Variants in KCNJ6 observed in about 807,000 individuals in gnomAD.
KCNJ6 encodes potassium inwardly rectifying channel subfamily J member 6, also known as G protein-activated inward rectifier potassium channel 2.
A neutral mutation model predicts 34.2 loss-of-function variants in KCNJ6; 9 were observed. The ratio of observed to expected loss-of-function variants is 0.26; its 90% CI spans 0.16 to 0.46. The LOEUF (loss-of-function observed/expected upper bound fraction) is 0.46, where lower values mean the gene tolerates loss of function less well. KCNJ6 is among the 20% of genes least tolerant of loss of function. The probability of loss-of-function intolerance (pLI) is 1.00; values close to 1 mark genes in which losing one functional copy is unlikely to be tolerated. For synonymous variants in KCNJ6, 196 were observed against 207.1 expected (o/e 0.95, Z 0.46); for missense variants, 236 against 531.3 (o/e 0.44, Z 5.46).
chr21:37,779,055 CATT>C (rs2055156923), intron 2 of KCNJ6, among the ~76,000 whole-genome samples: 1 of 152,102 alleles, frequency 6.6e-6, no homozygotes, highest in Admixed American at 6.5e-5. Context: ...GAGATCCTGT[CATT>C]ATTTAAAATT....
intron 1 of KCNJ6, among the ~76,000 whole-genome samples, chr21:37,898,121 G>T (rs990314550): frequency 6.6e-6 from 1 of 152,212 alleles, no homozygotes; most frequent in Non-Finnish European, 1.5e-5. Context: ...AAGGCAGAGC[G>T]TGATGGGGGC....
intron 1 of KCNJ6, among the ~76,000 whole-genome samples, chr21:37,857,817 G>A (rs2055572747): frequency 6.6e-6 from 1 of 152,132 alleles, no homozygotes; most frequent in Admixed American, 6.5e-5. Context: ...AAGGTGACTA[G>A]TAAATGGTAA....
At position 37,618,094 on chromosome 21, in the gene KCNJ6, C is replaced by T. The variant is rs2054279064; in HGVS notation, c.*7065G>A. ...GCTACGGGAGGGTATTTCTCATACCCATGCCCACAGTCAGCAATGCTGAGA... is the reference window on the plus strand; with the variant it reads ...GCTACGGGAGGGTATTTCTCATACCTATGCCCACAGTCAGCAATGCTGAGA... On this transcript the variant is annotated 3_prime_UTR_variant, in exon 4 of 4. Transcript: ENST00000609713. 1 of 152,272 alleles carries T rather than the reference C, an allele frequency of 6.6e-6. No individual in the cohort carries two copies. Among genetic ancestry groups the T allele is most frequent in the Admixed American group, 6.5e-5 (1 of 15,290 alleles). 9.4% of individuals were successfully genotyped at this position (152,272 alleles called of 1,614,324 possible).
rs73904483 is a variant in KCNJ6 at position 37,866,939 on chromosome 21, A to G, written c.-27-26230T>C. Among the ~76,000 whole-genome samples the G allele has an allele frequency of 9.2e-3, 1,396 of 152,342 alleles. 22 individuals are homozygous for G. Among genetic ancestry groups the G allele is most frequent in the African/African-American group, 0.031 (1,303 of 41,584 alleles). On this transcript the variant is annotated intron_variant, in intron 1 of 3. Transcript: ENST00000609713. Reference sequence around the variant, plus strand: ...TATTCATTGCCATTCAGCTATTTTTACAATCTCTAAATTGTAGAGAACTGA... The same window carrying G: ...TATTCATTGCCATTCAGCTATTTTTGCAATCTCTAAATTGTAGAGAACTGA...
At chr21:37,678,937 G>T (rs1291235113) in intron 3 of KCNJ6, among the ~76,000 whole-genome samples, 2 of 152,194 alleles carry the variant, frequency 1.3e-5, no homozygotes, top group African/African-American at 2.4e-5. Context: ...ATGTTGGCTG[G>T]ATTTAGTAAC....
At chr21:37,808,998 C>T (rs9982201) in intron 2 of KCNJ6, among the ~76,000 whole-genome samples, 12,496 of 152,266 alleles carry the variant, frequency 0.082, 739 homozygotes, top group Middle Eastern at 0.13. Flanking sequence ...CTAGAAATAC[C>T]ATTTGACCCA....
chr21:37,765,026 C>A (rs1401013331), intron 2 of KCNJ6, among the ~76,000 whole-genome samples: 2 of 152,114 alleles, frequency 1.3e-5, no homozygotes, highest in Non-Finnish European at 2.9e-5. Context: ...ATTTTATAAG[C>A]TGGTTGTTAA....
chr21:37,643,071 G>C (rs967542267), intron 3 of KCNJ6, among the ~76,000 whole-genome samples: 2 of 152,132 alleles, frequency 1.3e-5, no homozygotes, highest in African/African-American at 2.4e-5. Flanking sequence ...TGGTGGGGGG[G>C]ACAGCTTAAC....
intron 2 of KCNJ6, among the ~76,000 whole-genome samples, chr21:37,775,364 A>G (rs1480178087): frequency 2.6e-5 from 4 of 152,164 alleles, no homozygotes; most frequent in Non-Finnish European, 4.4e-5. Context: ...ATTAGAACCC[A>G]TTTGTCAATT....
chr21:37,848,456 T>C (rs1166780700), intron 1 of KCNJ6, among the ~76,000 whole-genome samples: 3 of 152,174 alleles, frequency 2.0e-5, no homozygotes. Flanking sequence ...TAGGATGCTT[T>C]AGGTGAGAAA....
intron 1 of KCNJ6, 38 bp from the exon 2 acceptor site, chr21:37,840,747 T>C (rs2055476398): frequency 2.6e-6 from 3 of 1,148,806 alleles, no homozygotes; most frequent in East Asian, 2.4e-5. Context: ...CTGTAAAACA[T>C]GTCTTAGATA....
At chr21:37,770,951 T>C (rs2036713458) in intron 2 of KCNJ6, among the ~76,000 whole-genome samples, 2 of 152,206 alleles carry the variant, frequency 1.3e-5, no homozygotes, top group African/African-American at 2.4e-5. Flanking sequence ...ATTTAAAGTG[T>C]AGAATGTCAA....
intron 3 of KCNJ6, among the ~76,000 whole-genome samples, chr21:37,626,156 A>G (rs11909453): frequency 0.013 from 1,868 of 140,924 alleles, 45 homozygotes; most frequent in African/African-American, 0.047. Flanking sequence ...TTTGAGATGG[A>G]GTCTCGCTGT....
chr21:37,901,095 T>C (rs981238502), intron 1 of KCNJ6, among the ~76,000 whole-genome samples: 1 of 152,196 alleles, frequency 6.6e-6, no homozygotes, highest in Non-Finnish European at 1.5e-5. Flanking sequence ...TGAACATACT[T>C]GTGCAACAAA....
At chr21:37,641,161 A>T (rs556882207) in intron 3 of KCNJ6, among the ~76,000 whole-genome samples, 4 of 152,272 alleles carry the variant, frequency 2.6e-5, no homozygotes, top group Admixed American at 2.6e-4. Context: ...TATCTCTCTC[A>T]AGTCTGGGGA....
At chr21:37,636,210 T>A (rs557909394) in intron 3 of KCNJ6, among the ~76,000 whole-genome samples, 2 of 152,352 alleles carry the variant, frequency 1.3e-5, no homozygotes, top group South Asian at 4.1e-4. Context: ...AGGGCAGATC[T>A]TCTTTACTCA....
rs933442174 is a variant in KCNJ6, at chr21:37,621,077, T to C, written c.*4082A>G. On this transcript the variant is annotated 3_prime_UTR_variant, in exon 4 of 4. Coordinates refer to ENST00000609713, the MANE Select transcript of KCNJ6 (RefSeq NM_002240.5). ...TCATCTATTATGTATATGTTACCTA[T>C]GTTTTTCAATGTTAAAGCCATCCAT... 3 of 152,352 alleles carry C rather than the reference T, an allele frequency of 2.0e-5. No homozygotes were observed. Among genetic ancestry groups the C allele is most frequent in the Admixed American group, 6.5e-5 (1 of 15,308 alleles). The allele number at this position is 152,352 out of a possible 1,614,324, so 9.4% of individuals were successfully genotyped here. A position where few individuals can be genotyped will look rare whatever the true frequency, so the allele number is the denominator to read the frequency against.
intron 1 of KCNJ6, among the ~76,000 whole-genome samples, chr21:37,873,885 C>G (rs1470185359): frequency 6.6e-6 from 1 of 152,100 alleles, no homozygotes; most frequent in Non-Finnish European, 1.5e-5. Context: ...CATTGCTCAG[C>G]ATTTACCTCA....
rs1376095234 is a variant in KCNJ6 at position 37,611,149 on chromosome 21, G to GA, written c.*14009dup. ...TACTACTATCAGAAATGAGAGCGGG[G>GA]ACGTTACTAGCAATCCCATGGAGGT... On this transcript the variant is annotated 3_prime_UTR_variant, in exon 4 of 4. Coordinates refer to ENST00000609713, the MANE Select transcript of KCNJ6 (RefSeq NM_002240.5). The GA allele has an allele frequency of 6.6e-6, 1 of 152,148 alleles. No individual in the cohort carries two copies. The highest frequency in any genetic ancestry group is 1.5e-5 in the Non-Finnish European group (1 of 68,026). The allele number at this position is 152,148 out of a possible 1,614,324, so 9.4% of individuals were successfully genotyped here. A position where few individuals can be genotyped will look rare whatever the true frequency, so the allele number is the denominator to read the frequency against.
Sources: allele counts gnomAD v4.1 joint callset (sites outside exome capture counted in the v4.1 genomes callset), GRCh38; gene constraint gnomAD v4.1.1; transcripts MANE v1.5; gene names NCBI Gene and HGNC (gene_info 2026-07-23, HGNC 2026-07-21).